Variants in DRC11 observed in about 807,000 individuals in gnomAD.
The protein encoded by DRC11 is dynein regulatory complex subunit 11, also known as IQ and AAA domain-containing protein 1.
chr2:236,436,964 A>G, the DRC11 span, among the ~76,000 whole-genome samples: 1 of 152,012 alleles, frequency 6.6e-6, no homozygotes, highest in Admixed American at 6.6e-5. Context: ...ATTATACTTT[A>G]AATTTTAGGG....
chr2:236,405,216 C>T, the DRC11 span, among the ~76,000 whole-genome samples: 9 of 152,030 alleles, frequency 5.9e-5, no homozygotes, highest in African/African-American at 1.9e-4. This position sits in a 1 kb window ranked among gnomAD's most constrained non-coding sequence, Gnocchi z 4.6. Flanking sequence ...TTCATGCCTC[C>T]GCCATTTTCC....
the DRC11 span, among the ~76,000 whole-genome samples, chr2:236,494,961 C>G: frequency 6.6e-6 from 1 of 152,188 alleles, no homozygotes. This position sits in a 1 kb window ranked among gnomAD's most constrained non-coding sequence, Gnocchi z 4.2. Flanking sequence ...TATTTATTAA[C>G]AAGCACATTC....
the DRC11 span, among the ~76,000 whole-genome samples, chr2:236,356,898 T>G: frequency 7.7e-6 from 1 of 130,608 alleles, no homozygotes; most frequent in Non-Finnish European, 1.6e-5. Context: ...TTTTATAATA[T>G]GTATATTTAT....
At chr2:236,370,596 C>G in the DRC11 span, among the ~76,000 whole-genome samples, 1 of 152,116 alleles carries the variant, frequency 6.6e-6, no homozygotes, top group African/African-American at 2.4e-5. This position sits in a 1 kb window ranked among gnomAD's most constrained non-coding sequence, Gnocchi z 5.5. Context: ...TTGAGGATAC[C>G]TAGGGCAGGG....
chr2:236,419,739 T>C, the DRC11 span, among the ~76,000 whole-genome samples: 7 of 152,202 alleles, frequency 4.6e-5, no homozygotes, highest in Non-Finnish European at 2.9e-5. The surrounding 1 kb of genome is among the most constrained non-coding windows in gnomAD (Gnocchi z 4.8). Context: ...CTTTCACCAG[T>C]GATTTAATTT....
At chr2:236,422,573 C>A in the DRC11 span, among the ~76,000 whole-genome samples, 1 of 152,158 alleles carries the variant, frequency 6.6e-6, no homozygotes. Flanking sequence ...AATGGAAGAA[C>A]ATTCCATGCT....
chr2:236,363,701 A>C, the DRC11 span: 1 of 1,104,002 alleles, frequency 9.1e-7, no homozygotes, highest in Non-Finnish European at 1.4e-6. This position sits in a 1 kb window ranked among gnomAD's most constrained non-coding sequence, Gnocchi z 5.6. Flanking sequence ...CTTGTCTGCC[A>C]ATGGAAATTA....
At chr2:236,319,499 G>A in the DRC11 span, among the ~76,000 whole-genome samples, 1 of 152,132 alleles carries the variant, frequency 6.6e-6, no homozygotes, top group African/African-American at 2.4e-5. This position sits in a 1 kb window ranked among gnomAD's most constrained non-coding sequence, Gnocchi z 6.7. Context: ...TCAAAAAAAC[G>A]TACTGTGTTT....
the DRC11 span, among the ~76,000 whole-genome samples, chr2:236,420,507 TG>T: frequency 6.6e-6 from 1 of 151,528 alleles, no homozygotes; most frequent in Non-Finnish European, 1.5e-5. This position sits in a 1 kb window ranked among gnomAD's most constrained non-coding sequence, Gnocchi z 4.8. Context: ...AAATTGGGGG[TG>T]GGGAGACAAG....
chr2:236,502,211 C>T, the DRC11 span, among the ~76,000 whole-genome samples: 1 of 152,038 alleles, frequency 6.6e-6, no homozygotes, highest in Non-Finnish European at 1.5e-5. Context: ...TAATATAAAC[C>T]ATTTTTTAAC....
At chr2:236,344,249 T>C in the DRC11 span, among the ~76,000 whole-genome samples, 1 of 152,248 alleles carries the variant, frequency 6.6e-6, no homozygotes, top group Non-Finnish European at 1.5e-5. Flanking sequence ...ATAACTCCTA[T>C]GTGTGCCATT....
chr2:236,414,333 T>C, the DRC11 span, among the ~76,000 whole-genome samples: 3 of 152,228 alleles, frequency 2.0e-5, no homozygotes, highest in South Asian at 6.2e-4. Flanking sequence ...TTTTCCTATG[T>C]TTTAATCTCA....
chr2:236,507,332 G>T, the DRC11 span: 1 of 1,579,350 alleles, frequency 6.3e-7, no homozygotes. Context: ...CTGAAGGACG[G>T]TGGCAGCAGG....
chr2:236,425,165 T>G, the DRC11 span, among the ~76,000 whole-genome samples: 1 of 152,016 alleles, frequency 6.6e-6, no homozygotes, highest in Non-Finnish European at 1.5e-5. Context: ...TTCATTTCCT[T>G]TGGATACATA....
chr2:236,472,919 C>G, the DRC11 span, among the ~76,000 whole-genome samples: 10 of 152,274 alleles, frequency 6.6e-5, no homozygotes, highest in South Asian at 2.1e-3. The surrounding 1 kb of genome is among the most constrained non-coding windows in gnomAD (Gnocchi z 4.6). Flanking sequence ...GGGGAGCAGG[C>G]CTTCAAAGCT....
chr2:236,406,157 A>T, the DRC11 span, among the ~76,000 whole-genome samples: 3 of 152,244 alleles, frequency 2.0e-5, no homozygotes, highest in African/African-American at 7.2e-5. This position sits in a 1 kb window ranked among gnomAD's most constrained non-coding sequence, Gnocchi z 4.7. Context: ...ACATACTGAG[A>T]GATGCAGAGA....
chr2:236,408,369 T>A, the DRC11 span: 1 of 756,668 alleles, frequency 1.3e-6, no homozygotes, highest in East Asian at 2.5e-5. The surrounding 1 kb of genome is among the most constrained non-coding windows in gnomAD (Gnocchi z 5.5). Context: ...TCTTGGTGTG[T>A]CAATGACTTG....
the DRC11 span, among the ~76,000 whole-genome samples, chr2:236,327,293 G>A: frequency 6.6e-6 from 1 of 152,150 alleles, no homozygotes; most frequent in African/African-American, 2.4e-5. Context: ...GTCTTGTTCT[G>A]TCACCCAGGC....
chr2:236,321,752 A>G, the DRC11 span, among the ~76,000 whole-genome samples: 1 of 152,130 alleles, frequency 6.6e-6, no homozygotes, highest in African/African-American at 2.4e-5. Context: ...CTCCCTTTCT[A>G]GCCTCATGCA....
Sources: gnomAD v4.1 joint callset for allele counts (sites outside exome capture counted in the v4.1 genomes callset) on GRCh38, gnomAD v4.1.1 for gene constraint, Gnocchi (gnomAD v3.1) non-coding constraint, MANE v1.5 for transcripts, NCBI Gene and HGNC (gene_info 2026-07-23, HGNC 2026-07-21) for gene names.